Variants in MCUB observed in about 807,000 individuals in gnomAD.
The protein encoded by MCUB is calcium uniporter regulatory subunit MCUb, mitochondrial.
Under a neutral mutation model 41.4 loss-of-function variants are expected in MCUB, and 46 were observed. That is an observed-to-expected ratio of 1.11 (90% CI 0.88 to 1.42). The LOEUF is 1.42. MCUB is among the 40% of genes most tolerant of loss of function. The probability of loss-of-function intolerance (pLI) is 0.00; values close to 1 mark genes in which losing one functional copy is unlikely to be tolerated. For synonymous variants in MCUB, 148 were observed against 148.2 expected (o/e 1.00, Z 0.01); for missense variants, 403 against 404.9 (o/e 1.00, Z 0.04).
At chr4:109,601,832 G>A (rs1390518889) in intron 1 of MCUB, among the ~76,000 whole-genome samples, 1 of 152,096 alleles carries the variant, frequency 6.6e-6, no homozygotes, top group African/African-American at 2.4e-5. Flanking sequence ...CTTAGTGGTT[G>A]TATTAATTTA....
chr4:109,577,098 T>C lies in MCUB; in HGVS notation c.99+16662T>C, dbSNP rs1050014951. On this transcript the variant is annotated intron_variant, in intron 1 of 7. Coordinates refer to ENST00000394650, the MANE Select transcript of MCUB (RefSeq NM_017918.5). ...AACTTCTTACCTCAAGTGATCTGCC[T>C]GCCTCCGCCTCCCAAAGTGCTGGGA... 5.3e-5 allele frequency among the ~76,000 whole-genome samples: 8 copies of C among 152,158 alleles called. No homozygotes were observed. The East Asian group carries it at 1.5e-3, about 29-fold the overall frequency.
At chr4:109,634,427 G>T (rs1275305217) in intron 1 of MCUB, among the ~76,000 whole-genome samples, 1 of 150,502 alleles carries the variant, frequency 6.6e-6, no homozygotes, top group East Asian at 2.0e-4. Context: ...AGGTTGCAGT[G>T]AGCTGAGATT....
intron 1 of MCUB, among the ~76,000 whole-genome samples, chr4:109,639,265 G>A (rs1039323159): frequency 2.0e-5 from 3 of 152,138 alleles, no homozygotes; most frequent in African/African-American, 7.2e-5. Context: ...GTGTTACCAG[G>A]CATGAAAACA....
intron 1 of MCUB, among the ~76,000 whole-genome samples, chr4:109,656,973 G>T (rs560924360): frequency 2.6e-5 from 4 of 151,992 alleles, no homozygotes; most frequent in Admixed American, 6.6e-5. Context: ...TAATCCCAGC[G>T]CTTCGGGAGG....
At chr4:109,580,071 G>A (rs957942284) in intron 1 of MCUB, among the ~76,000 whole-genome samples, 12 of 149,920 alleles carry the variant, frequency 8.0e-5, no homozygotes, top group African/African-American at 2.2e-4. Context: ...GGTGTTCCCC[G>A]CCCTGTTTCC....
rs1027145115 is a variant in MCUB at position 109,598,571 on chromosome 4, G to C, written c.99+38135G>C. Among the ~76,000 whole-genome samples, 13 of 152,142 alleles carry C rather than the reference G, an allele frequency of 8.5e-5. No homozygotes were observed. In the East Asian group the frequency reaches 1.9e-3, roughly 23 times the overall value. ...GTACAGTCCAGCTTCGGCTGGGCAT[G>C]AGAGGGAGACCGTGGAAACAGAGGG... On this transcript the variant is annotated intron_variant, in intron 1 of 7. Transcript: ENST00000394650.
At chr4:109,684,843 G>T (rs544903627) in intron 6 of MCUB, 197 bp downstream of exon 6, 2 of 496,372 alleles carry the variant, frequency 4.0e-6, no homozygotes, top group East Asian at 6.5e-5. Context: ...CTTCTTTGGA[G>T]AAGTAATTAG....
chr4:109,572,359 T>C (rs1579044004), intron 1 of MCUB, among the ~76,000 whole-genome samples: 2 of 152,244 alleles, frequency 1.3e-5, no homozygotes, highest in African/African-American at 4.8e-5. Flanking sequence ...GCTGACGATA[T>C]GGTTTTAGGG....
At chr4:109,598,478 C>T (rs1041019843) in intron 1 of MCUB, among the ~76,000 whole-genome samples, 9 of 151,766 alleles carry the variant, frequency 5.9e-5, no homozygotes, top group Non-Finnish European at 7.4e-5. Flanking sequence ...TGCCTGCAAT[C>T]GCAGGCACTC....
At chr4:109,604,220 C>G (rs1727817768) in intron 1 of MCUB, among the ~76,000 whole-genome samples, 1 of 151,654 alleles carries the variant, frequency 6.6e-6, no homozygotes, top group Non-Finnish European at 1.5e-5. Context: ...ACTCCCTAAT[C>G]TCAAGTACCC....
intron 1 of MCUB, among the ~76,000 whole-genome samples, chr4:109,642,135 T>G (rs2126140534): frequency 6.6e-6 from 1 of 152,352 alleles, no homozygotes; most frequent in Non-Finnish European, 1.5e-5. Context: ...TTTGAAGATC[T>G]TTAGTGGTGA....
At chr4:109,634,289 CCTGA>C (rs1481624076) in intron 1 of MCUB, among the ~76,000 whole-genome samples, 1 of 152,046 alleles carries the variant, frequency 6.6e-6, no homozygotes, top group Admixed American at 6.6e-5. Context: ...TCGAGACCAG[CCTGA>C]CTAACATGGA....
At position 109,634,353 on chromosome 4, in the gene MCUB, G is replaced by A. The variant is rs534223801; in HGVS notation, c.100-24658G>A. ...CAAAATTAGCTGGGCGTGGTGGCGC[G>A]TGCCTGTAATCCCAGCTACTCAGGA... On this transcript the variant is annotated intron_variant, in intron 1 of 7. Coordinates refer to ENST00000394650, the MANE Select transcript of MCUB (RefSeq NM_017918.5). Among the ~76,000 whole-genome samples, 9 of 152,058 alleles carry A rather than the reference G, an allele frequency of 5.9e-5. No individual in the cohort carries two copies. The South Asian group carries it at 1.2e-3, about 21-fold the overall frequency.
At chr4:109,586,863 G>A (rs1727318599) in intron 1 of MCUB, among the ~76,000 whole-genome samples, 1 of 152,148 alleles carries the variant, frequency 6.6e-6, no homozygotes, top group Admixed American at 6.5e-5. Flanking sequence ...TATATGAGGT[G>A]TCAGTCGGCC....
chr4:109,641,107 A>T (rs919540239), intron 1 of MCUB, among the ~76,000 whole-genome samples: 2 of 150,934 alleles, frequency 1.3e-5, no homozygotes, highest in African/African-American at 4.9e-5. Flanking sequence ...GAACACATAC[A>T]GTGTTTTTTT....
intron 1 of MCUB, among the ~76,000 whole-genome samples, chr4:109,624,555 T>C (rs1247299090): frequency 6.6e-6 from 1 of 152,142 alleles, no homozygotes; most frequent in African/African-American, 2.4e-5. Context: ...TAGCTAGAAT[T>C]GATGAAGAGG....
intron 4 of MCUB, among the ~76,000 whole-genome samples, chr4:109,677,036 C>T (rs1729588850): frequency 6.6e-6 from 1 of 152,206 alleles, no homozygotes; most frequent in Non-Finnish European, 1.5e-5. Flanking sequence ...TGGGCTGAGC[C>T]CAGCAAAGCC....
intron 1 of MCUB, among the ~76,000 whole-genome samples, chr4:109,639,389 G>A (rs759690847): frequency 6.6e-6 from 1 of 151,434 alleles, no homozygotes; most frequent in Non-Finnish European, 1.5e-5. Context: ...TCTCAACAGT[G>A]GGCTTAAAAT....
chr4:109,667,596 A>G (rs894461280), intron 4 of MCUB, among the ~76,000 whole-genome samples: 1 of 150,508 alleles, frequency 6.6e-6, no homozygotes, highest in African/African-American at 2.4e-5. Flanking sequence ...TTTCTACTCT[A>G]TGTTTATAAT....
Sources: allele counts gnomAD v4.1 joint callset (sites outside exome capture counted in the v4.1 genomes callset), GRCh38; gene constraint gnomAD v4.1.1; transcripts MANE v1.5; gene names NCBI Gene and HGNC (gene_info 2026-07-23, HGNC 2026-07-21).